Variants in CHRNA7 observed in about 807,000 individuals in gnomAD.
The protein encoded by CHRNA7 is neuronal acetylcholine receptor subunit alpha-7.
CHRNA7 carries 17 observed loss-of-function variants against 48.0 expected under a neutral mutation model. The observed-to-expected ratio is 0.35, with a 90% confidence interval of 0.24 to 0.53. The LOEUF (loss-of-function observed/expected upper bound fraction) is 0.53, where lower values mean the gene tolerates loss of function less well. Among genes scored for constraint, CHRNA7 ranks in the 20% least tolerant of loss-of-function variants. The pLI, the probability that CHRNA7 is intolerant of heterozygous loss-of-function variation, is 0.92. For missense variants in CHRNA7, 155 were observed against 577.7 expected (o/e 0.27, Z 7.50); for synonymous variants, 75 against 242.3 (o/e 0.31, Z 6.41).
intron 2 of CHRNA7, among the ~76,000 whole-genome samples, chr15:32,057,389 G>GA (rs1381110156): frequency 2.0e-5 from 3 of 151,966 alleles, no homozygotes; most frequent in Non-Finnish European, 4.4e-5. Context: ...TGAAGGAAAA[G>GA]AAAAAAATTT....
chr15:32,069,934 C>T (rs1249990879), intron 2 of CHRNA7, among the ~76,000 whole-genome samples: 1 of 152,106 alleles, frequency 6.6e-6, no homozygotes, highest in Non-Finnish European at 1.5e-5. Context: ...GAAAGTACTA[C>T]ATATGCTATT....
At chr15:32,062,465 A>G (rs2049894494) in intron 2 of CHRNA7, among the ~76,000 whole-genome samples, 1 of 152,110 alleles carries the variant, frequency 6.6e-6, no homozygotes, top group Non-Finnish European at 1.5e-5. Flanking sequence ...TCACTATTCT[A>G]TCCCCAAACT....
intron 4 of CHRNA7, among the ~76,000 whole-genome samples, chr15:32,141,563 G>C (rs904803466): frequency 2.6e-5 from 4 of 152,218 alleles, no homozygotes; most frequent in African/African-American, 9.7e-5. Context: ...AGCATGGAAT[G>C]CTCTTCCATT....
At chr15:32,138,260 T>TA (rs1432588489) in intron 4 of CHRNA7, among the ~76,000 whole-genome samples, 3 of 152,096 alleles carry the variant, frequency 2.0e-5, no homozygotes, top group Non-Finnish European at 4.4e-5. Context: ...GAAAAATACT[T>TA]AAAAATAGAA....
intron 2 of CHRNA7, among the ~76,000 whole-genome samples, chr15:32,083,262 A>T (rs2050243806): frequency 6.6e-6 from 1 of 152,088 alleles, no homozygotes; most frequent in Non-Finnish European, 1.5e-5. Flanking sequence ...TCAAGAGTGG[A>T]TGTGTTAAAA....
intron 4 of CHRNA7, among the ~76,000 whole-genome samples, chr15:32,132,474 A>T (rs2051173333): frequency 1.3e-5 from 2 of 152,200 alleles, no homozygotes; most frequent in African/African-American, 4.8e-5. Context: ...AGTAATAATG[A>T]TTACTCAGGT....
At chr15:32,116,072 AAT>A (rs1252778681) in intron 4 of CHRNA7, among the ~76,000 whole-genome samples, 2 of 152,184 alleles carry the variant, frequency 1.3e-5, no homozygotes, top group African/African-American at 4.8e-5. Flanking sequence ...CGTGGAAAAT[AAT>A]ATGTTCTGCT....
At chr15:32,064,428 A>G (rs1421927407) in intron 2 of CHRNA7, among the ~76,000 whole-genome samples, 1 of 151,926 alleles carries the variant, frequency 6.6e-6, no homozygotes, top group Non-Finnish European at 1.5e-5. Context: ...TATTTGTCAT[A>G]TTAGAGCCTT....
intron 4 of CHRNA7, among the ~76,000 whole-genome samples, chr15:32,130,563 C>T (rs922480986): frequency 6.7e-6 from 1 of 149,382 alleles, no homozygotes; most frequent in African/African-American, 2.4e-5. Context: ...ATATATTCTT[C>T]GTTTTTTCTT....
chr15:32,036,598 G>A (rs912233027), intron 2 of CHRNA7, among the ~76,000 whole-genome samples: 14 of 152,160 alleles, frequency 9.2e-5, no homozygotes, highest in African/African-American at 2.9e-4. Flanking sequence ...AGCATTTGGT[G>A]TTGTCAGTGT....
chr15:32,144,874 C>T (rs929694468), intron 4 of CHRNA7, among the ~76,000 whole-genome samples: 2 of 152,182 alleles, frequency 1.3e-5, no homozygotes, highest in African/African-American at 2.4e-5. Context: ...GCTCCTTTAG[C>T]TTGGAGAAGT....
At position 32,164,909 on chromosome 15, in the gene CHRNA7, C is replaced by T. The variant is rs1218146847; in HGVS notation, c.990+1574C>T. ...CCTGGGTGACAGAGCAAAACTCCAT[C>T]TCCTAAAAAAAAAAAAAAAAAAAAA... On this transcript the variant is annotated intron_variant, in intron 9 of 9. Transcript: ENST00000306901. 1.3e-4 allele frequency among the ~76,000 whole-genome samples: 2 copies of T among 15,874 alleles called. 1 individual carries two copies. The highest frequency in any genetic ancestry group is 4.8e-4 in the African/African-American group (2 of 4,174). 10.4% of individuals were successfully genotyped at this position (15,874 alleles called of 152,430 possible). A position where few individuals can be genotyped will look rare whatever the true frequency, so the allele number is the denominator to read the frequency against.
chr15:32,086,367 CAAAAAAAAAAAAA>C (rs150673202), intron 2 of CHRNA7, among the ~76,000 whole-genome samples: 2 of 74,058 alleles, frequency 2.7e-5, no homozygotes, highest in Non-Finnish European at 2.8e-5. Flanking sequence ...GACTCCATCT[CAAAAAAAAAAAAA>C]AAAAAAAAAA....
intron 2 of CHRNA7, among the ~76,000 whole-genome samples, chr15:32,081,432 T>C (rs1305273998): frequency 6.6e-6 from 1 of 152,218 alleles, no homozygotes; most frequent in Non-Finnish European, 1.5e-5. Flanking sequence ...TTTACCTGCT[T>C]TCCTATAGGC....
At chr15:32,167,202 C>CT (rs1168865097) in intron 9 of CHRNA7, among the ~76,000 whole-genome samples, 1 of 151,820 alleles carries the variant, frequency 6.6e-6, no homozygotes, top group African/African-American at 2.4e-5. Flanking sequence ...CCAAGGCTCT[C>CT]TTTTTAAATA....
intron 2 of CHRNA7, among the ~76,000 whole-genome samples, chr15:32,083,110 T>G (rs2050241331): frequency 6.6e-6 from 1 of 152,220 alleles, no homozygotes. Flanking sequence ...GGTTTAAATG[T>G]GTCCCCCAAA....
rs187033971 is a variant in CHRNA7, at chr15:32,110,222, G to T, written c.241-1568G>T. On this transcript the variant is annotated intron_variant, in intron 3 of 9. Coordinates refer to ENST00000306901, the MANE Select transcript of CHRNA7 (RefSeq NM_000746.6). ...TGTGCCCAGGGCAAGGGAGAGAAAT[G>T]AAGGGAAGCACAGGGCAGAGGTGCC... Among the ~76,000 whole-genome samples, 631 of 152,314 alleles carry T rather than the reference G, an allele frequency of 4.1e-3. 4 individuals are homozygous for T. The highest frequency in any genetic ancestry group is 6.5e-3 in the Non-Finnish European group (440 of 68,014).
rs144036201 is a variant in CHRNA7, at chr15:32,044,495, C to T, written c.195+13458C>T. On this transcript the variant is annotated intron_variant, in intron 2 of 9. Coordinates refer to ENST00000306901, the MANE Select transcript of CHRNA7 (RefSeq NM_000746.6). ...TTTTCACCATATTGGCCAGGCTGGT[C>T]TCCAACTCCTGACCTCATGATCCGC... Among the ~76,000 whole-genome samples the T allele has an allele frequency of 4.7e-3, 719 of 152,306 alleles. 8 individuals are homozygous for T. Among genetic ancestry groups the T allele is most frequent in the African/African-American group, 0.017 (695 of 41,566 alleles).
intron 4 of CHRNA7, among the ~76,000 whole-genome samples, chr15:32,139,861 A>T (rs541968231): frequency 6.6e-6 from 1 of 152,206 alleles, no homozygotes; most frequent in Non-Finnish European, 1.5e-5. Context: ...GAAATTCAAA[A>T]AGGTAGGTTT....
Sources: allele counts gnomAD v4.1 joint callset (sites outside exome capture counted in the v4.1 genomes callset), GRCh38; gene constraint gnomAD v4.1.1; transcripts MANE v1.5; gene names NCBI Gene and HGNC (gene_info 2026-07-23, HGNC 2026-07-21).